The following CRTAC1 variants were observed in gnomAD, a reference collection of about 807,000 sequenced individuals.
CRTAC1 encodes the protein cartilage acidic protein 1.
A neutral mutation model predicts 67.8 loss-of-function variants in CRTAC1; 37 were observed. The ratio of observed to expected loss-of-function variants is 0.55; its 90% CI spans 0.42 to 0.72. The LOEUF (loss-of-function observed/expected upper bound fraction) is 0.72. CRTAC1 is among the 30% of genes least tolerant of loss of function. The probability of loss-of-function intolerance (pLI) is 0.00; values close to 1 mark genes in which losing one functional copy is unlikely to be tolerated. For missense variants in CRTAC1, 780 were observed against 931.6 expected (o/e 0.84, Z 2.12); for synonymous variants, 348 against 371.0 (o/e 0.94, Z 0.71).
intron 3 of CRTAC1, among the ~76,000 whole-genome samples, chr10:97,932,580 G>A (rs1220330148): frequency 6.6e-6 from 1 of 152,170 alleles, no homozygotes; most frequent in Non-Finnish European, 1.5e-5. Context: ...GATCTCACTG[G>A]AGGAGGGGCC....
intron 14 of CRTAC1, among the ~76,000 whole-genome samples, chr10:97,872,104 C>T (rs964477839): frequency 2.0e-5 from 3 of 151,914 alleles, no homozygotes; most frequent in Non-Finnish European, 4.4e-5. Flanking sequence ...CTGTCTTACT[C>T]ACTCCCCACC....
intron 1 of CRTAC1, 117 bp from the exon 2 acceptor site, chr10:98,011,454 A>G: frequency 4.1e-6 from 5 of 1,205,358 alleles, no homozygotes; most frequent in Non-Finnish European, 5.9e-6. Flanking sequence ...AGAGCTTGAC[A>G]GTGCCTAGGC....
At chr10:97,978,341 T>C (rs1396401833) in intron 2 of CRTAC1, among the ~76,000 whole-genome samples, 1 of 152,196 alleles carries the variant, frequency 6.6e-6, no homozygotes, top group African/African-American at 2.4e-5. Context: ...CTCTGTCACC[T>C]TGGTAGCGTT....
chr10:97,979,098 A>C (rs1419102420), intron 2 of CRTAC1, among the ~76,000 whole-genome samples: 1 of 151,982 alleles, frequency 6.6e-6, no homozygotes, highest in Non-Finnish European at 1.5e-5. Flanking sequence ...AGGGTCTAAG[A>C]CCTAACTGAA....
chr10:97,878,268 G>A (rs2136534877), intron 14 of CRTAC1: 1 of 197,892 alleles, frequency 5.1e-6, no homozygotes, highest in South Asian at 8.2e-5. Context: ...ACAGGAATGG[G>A]CTTTCTAGAA....
intron 14 of CRTAC1, chr10:97,878,397 C>G: frequency 4.6e-6 from 1 of 218,112 alleles, no homozygotes; most frequent in Non-Finnish European, 9.2e-6. Flanking sequence ...ACAAGGAATT[C>G]ATATTTTGTG....
chr10:98,016,690 G>A (rs937912943), intron 1 of CRTAC1, among the ~76,000 whole-genome samples: 7 of 152,186 alleles, frequency 4.6e-5, no homozygotes, highest in Non-Finnish European at 7.3e-5. Context: ...TGAGTGCTGT[G>A]TATTTTTAGA....
chr10:97,893,494 C>T (rs2050407235), intron 11 of CRTAC1, among the ~76,000 whole-genome samples: 4 of 152,202 alleles, frequency 2.6e-5, no homozygotes, highest in African/African-American at 9.7e-5. Context: ...TTTTCCATCA[C>T]TGTAATCCCC....
Position 97,895,498 on chromosome 10 carries a change from G to T in CRTAC1, c.1318-85C>A, listed in dbSNP as rs1188685403. On this transcript the variant is annotated intron_variant, in intron 10 of 14. Coordinates refer to ENST00000370597, the MANE Select transcript of CRTAC1 (RefSeq NM_018058.7). This position sits in a 1 kb window ranked among gnomAD's most constrained non-coding sequence, Gnocchi z 4.2. ...AGGGAGCCAGGGAGGACGGGAGGGG[G>T]AGAGGGAGAAGAAGGAGGAAGAGAA... is the stretch of plus-strand genomic sequence containing the variant. The T allele has an allele frequency of 3.2e-6, 4 of 1,241,814 alleles. No homozygotes were observed. The highest frequency in any genetic ancestry group is 1.4e-5 in the South Asian group (1 of 69,332). The allele number at this position is 1,241,814 out of a possible 1,614,324, so 76.9% of individuals were successfully genotyped here.
At chr10:97,968,544 TC>T (rs1428054962) in intron 2 of CRTAC1, among the ~76,000 whole-genome samples, 1 of 152,246 alleles carries the variant, frequency 6.6e-6, no homozygotes, top group Non-Finnish European at 1.5e-5. Flanking sequence ...AGCTTGCAAT[TC>T]TTTATATTTT....
At chr10:97,949,497 G>A (rs905824443) in intron 2 of CRTAC1, among the ~76,000 whole-genome samples, 1 of 152,248 alleles carries the variant, frequency 6.6e-6, no homozygotes, top group African/African-American at 2.4e-5. Context: ...CAGGCATTTA[G>A]GGTCTTAAGA....
chr10:97,908,777 T>G (rs558833999), intron 5 of CRTAC1, among the ~76,000 whole-genome samples: 62 of 152,340 alleles, frequency 4.1e-4, no homozygotes, highest in Non-Finnish European at 7.6e-4. Flanking sequence ...GCCTGTGATA[T>G]ATGGTTGAAA....
intron 2 of CRTAC1, among the ~76,000 whole-genome samples, chr10:98,006,785 A>G (rs1168352114): frequency 6.6e-6 from 1 of 152,218 alleles, no homozygotes; most frequent in Non-Finnish European, 1.5e-5. Context: ...AAATGCCTTC[A>G]GGGGACAGGT....
intron 2 of CRTAC1, 38 bp downstream of exon 2, chr10:98,011,100 G>T: frequency 6.3e-7 from 1 of 1,582,534 alleles, no homozygotes; most frequent in South Asian, 1.1e-5. Context: ...AGCAAAATCT[G>T]ATTAATATCT....
chr10:97,904,599 T>C, intron 7 of CRTAC1, 70 bp downstream of exon 7: 3 of 1,438,368 alleles, frequency 2.1e-6, no homozygotes, highest in Non-Finnish European at 2.8e-6. Flanking sequence ...TTTGGTATTT[T>C]TAGTAGAGAC....
intron 5 of CRTAC1, among the ~76,000 whole-genome samples, chr10:97,916,063 C>A (rs1381061195): frequency 1.3e-5 from 2 of 152,136 alleles, no homozygotes; most frequent in African/African-American, 4.8e-5. Context: ...TCAAACCCAG[C>A]CGCAACCTCC....
intron 14 of CRTAC1, 27 bp from the exon 15 acceptor site, chr10:97,865,741 A>T: frequency 6.9e-7 from 1 of 1,455,614 alleles, no homozygotes; most frequent in Non-Finnish European, 9.2e-7. Flanking sequence ...GGCCGGAGTG[A>T]GGGCCTTGCA....
At chr10:98,023,328 C>T (rs1283424096) in intron 1 of CRTAC1, among the ~76,000 whole-genome samples, 2 of 152,106 alleles carry the variant, frequency 1.3e-5, no homozygotes, top group African/African-American at 2.4e-5. Context: ...AGATGGAAGG[C>T]GGGTTTGGAG....
chr10:97,948,887 G>A (rs2051306339), intron 2 of CRTAC1, among the ~76,000 whole-genome samples: 1 of 150,118 alleles, frequency 6.7e-6, no homozygotes, highest in Admixed American at 6.6e-5. Context: ...GGAGAGATAA[G>A]TGCAGAGCAA....
Sources: allele counts gnomAD v4.1 joint callset (sites outside exome capture counted in the v4.1 genomes callset), GRCh38; gene constraint gnomAD v4.1.1; non-coding constraint Gnocchi (gnomAD v3.1); transcripts MANE v1.5; gene names NCBI Gene and HGNC (gene_info 2026-07-23, HGNC 2026-07-21).